The following PARM1 variants were observed in gnomAD, a reference collection of about 807,000 sequenced individuals.
The protein encoded by PARM1 is WSC4, cell wall integrity and stress response component 4 homolog.
A neutral mutation model predicts 24.6 loss-of-function variants in PARM1; 14 were observed. The ratio of observed to expected loss-of-function variants is 0.57; its 90% CI spans 0.38 to 0.89. The LOEUF (loss-of-function observed/expected upper bound fraction) is 0.89, where lower values mean the gene tolerates loss of function less well. Ranked by LOEUF, PARM1 falls within the 40% of genes least tolerant of loss-of-function variation. PARM1 has a pLI of 0.00. For synonymous variants in PARM1, 179 were observed against 156.6 expected, an observed-to-expected ratio of 1.14 and a Z score of -1.07; for missense variants, 362 against 380.4, an observed-to-expected ratio of 0.95 and a Z score of 0.40.
intron 3 of PARM1, among the ~76,000 whole-genome samples, chr4:75,044,046 C>G (rs201678841): frequency 7.4e-6 from 1 of 135,860 alleles, no homozygotes; most frequent in Non-Finnish European, 1.6e-5. Context: ...TAGTTCTTTG[C>G]AAAAAAAAAA....
intron 1 of PARM1, among the ~76,000 whole-genome samples, chr4:74,997,273 C>T (rs1722591773): frequency 6.6e-6 from 1 of 152,124 alleles, no homozygotes; most frequent in African/African-American, 2.4e-5. Context: ...GAATGACACA[C>T]CCATTTCCTT....
At position 75,047,532 on chromosome 4, in the gene PARM1, C is replaced by G. The variant is rs1723631380; in HGVS notation, c.*1285C>G. 1 of 152,216 alleles carries G rather than the reference C, an allele frequency of 6.6e-6. No individual in the cohort carries two copies. The highest frequency in any genetic ancestry group is 2.4e-5 in the African/African-American group (1 of 41,450). 9.4% of individuals were successfully genotyped at this position (152,216 alleles called of 1,614,324 possible). On this transcript the variant is annotated 3_prime_UTR_variant, in exon 4 of 4. Coordinates refer to ENST00000307428, the MANE Select transcript of PARM1 (RefSeq NM_015393.4). Reference sequence around the variant, plus strand: ...ACCAGGAGGTGATTTTGCCCCCTGACTCCACCCCAGGGACATTCAAAAATG... The same window carrying G: ...ACCAGGAGGTGATTTTGCCCCCTGAGTCCACCCCAGGGACATTCAAAAATG...
intron 3 of PARM1, among the ~76,000 whole-genome samples, chr4:75,044,606 A>G (rs994362477): frequency 6.6e-6 from 1 of 152,198 alleles, no homozygotes; most frequent in Non-Finnish European, 1.5e-5. Context: ...AGTAAATTAT[A>G]TAGTATGTTA....
chr4:74,939,513 C>T (rs1437038777), intron 1 of PARM1, among the ~76,000 whole-genome samples: 1 of 152,000 alleles, frequency 6.6e-6, no homozygotes, highest in East Asian at 1.9e-4. Context: ...GCCTTCTGTA[C>T]TCTTTTTTTT....
At chr4:75,006,989 A>G (rs1319115577) in intron 1 of PARM1, among the ~76,000 whole-genome samples, 2 of 152,240 alleles carry the variant, frequency 1.3e-5, no homozygotes, top group Non-Finnish European at 1.5e-5. Flanking sequence ...ACAAAGGGCT[A>G]ATATCCAGAA....
intron 2 of PARM1, among the ~76,000 whole-genome samples, chr4:75,020,196 G>A (rs1021965068): frequency 1.3e-5 from 2 of 152,088 alleles, no homozygotes; most frequent in Non-Finnish European, 2.9e-5. Flanking sequence ...ACATTTACTG[G>A]TCAGATTCTT....
chr4:75,012,527 C>G lies in PARM1; in HGVS notation c.146C>G (p.Thr49Ser), dbSNP rs200338345. The G allele has an allele frequency of 4.8e-5, 78 of 1,614,000 alleles. 1 individual carries two copies. The African/African-American group carries it at 7.2e-4, about 15-fold the overall frequency. ...TTIWTSSPQN[T>S]DADTASPSNG... ...ATCTGGACTAGCTCTCCACAAAACA[C>G]TGATGCAGACACTGCCTCCCCATCC... The change falls in exon 2 of 4, where the codon ACT becomes AGT. Residue 49 changes from threonine to serine, a missense_variant. Physicochemically the swap from Thr to Ser is moderately conservative, Grantham distance 58. Coordinates refer to ENST00000307428, the MANE Select transcript of PARM1 (RefSeq NM_015393.4).
At chr4:74,999,018 GTTAA>G (rs1722629456) in intron 1 of PARM1, 1 of 152,252 alleles carries the variant, frequency 6.6e-6, no homozygotes, top group Non-Finnish European at 1.5e-5. Flanking sequence ...GGGAAAGAGC[GTTAA>G]TTGTCAGAGG....
At chr4:74,972,032 G>A (rs988241783) in intron 1 of PARM1, among the ~76,000 whole-genome samples, 1 of 152,214 alleles carries the variant, frequency 6.6e-6, no homozygotes, top group Non-Finnish European at 1.5e-5. Flanking sequence ...TAGTTAGGGT[G>A]TGGCTGTAAG....
chr4:75,010,543 A>G (rs184954639), intron 1 of PARM1, among the ~76,000 whole-genome samples: 1 of 152,170 alleles, frequency 6.6e-6, no homozygotes, highest in Non-Finnish European at 1.5e-5. Context: ...ATTAAAAAAA[A>G]TTTTTTTAAA....
chr4:74,984,060 T>C (rs1189914611), intron 1 of PARM1, among the ~76,000 whole-genome samples: 1 of 152,236 alleles, frequency 6.6e-6, no homozygotes, highest in Admixed American at 6.5e-5. Context: ...TTTGGCTTTC[T>C]TGGCTATTTC....
rs573591580 is a variant in PARM1, at chr4:75,047,202, C to T, written c.*955C>T. On this transcript the variant is annotated 3_prime_UTR_variant, in exon 4 of 4. Coordinates refer to ENST00000307428, the MANE Select transcript of PARM1 (RefSeq NM_015393.4). ...TCCACAGCTTGGAGGAGCCCAGAGA[C>T]CGTTTGCTTTATACCCACACAGCAA... 5 of 152,330 alleles carry T rather than the reference C, an allele frequency of 3.3e-5. No homozygotes were observed. In the South Asian group the frequency reaches 1.0e-3, roughly 32 times the overall value. 9.4% of individuals were successfully genotyped at this position (152,330 alleles called of 1,614,324 possible).
chr4:74,936,734 T>C (rs970896351), intron 1 of PARM1, among the ~76,000 whole-genome samples: 1 of 152,072 alleles, frequency 6.6e-6, no homozygotes, highest in Non-Finnish European at 1.5e-5. Context: ...GGATTACAGG[T>C]GTGAGCCACC....
intron 3 of PARM1, among the ~76,000 whole-genome samples, chr4:75,043,924 T>C (rs1578063106): frequency 6.6e-6 from 1 of 152,088 alleles, no homozygotes; most frequent in East Asian, 1.9e-4. Context: ...GAAAGCAAAC[T>C]GTGGAACATC....
intron 1 of PARM1, among the ~76,000 whole-genome samples, chr4:74,961,043 T>C (rs1578029112): frequency 6.7e-6 from 1 of 148,464 alleles, no homozygotes. Context: ...TGAAAAGTGA[T>C]GTGGAGAAAG....
intron 1 of PARM1, among the ~76,000 whole-genome samples, chr4:74,962,895 A>G (rs1017281075): frequency 1.6e-4 from 25 of 152,214 alleles, no homozygotes; most frequent in Non-Finnish European, 8.8e-5. Context: ...ACACTTAAAA[A>G]CAGTTAACAC....
At chr4:75,030,248 A>C (rs1408088561) in intron 2 of PARM1, among the ~76,000 whole-genome samples, 1 of 152,234 alleles carries the variant, frequency 6.6e-6, no homozygotes, top group Non-Finnish European at 1.5e-5. Context: ...AGGACTAAAT[A>C]GTACTGGGTC....
intron 1 of PARM1, among the ~76,000 whole-genome samples, chr4:74,988,492 C>T (rs1722402366): frequency 6.6e-6 from 1 of 152,100 alleles, no homozygotes; most frequent in Non-Finnish European, 1.5e-5. Flanking sequence ...GGGAAGATGA[C>T]CATAACTCAG....
At chr4:75,005,527 C>A (rs1722754734) in intron 1 of PARM1, among the ~76,000 whole-genome samples, 1 of 152,180 alleles carries the variant, frequency 6.6e-6, no homozygotes, top group African/African-American at 2.4e-5. Context: ...GGCAGACTCT[C>A]TACGCTACAA....
Sources: gnomAD v4.1 joint callset for allele counts (sites outside exome capture counted in the v4.1 genomes callset) on GRCh38, gnomAD v4.1.1 for gene constraint, MANE v1.5 for transcripts, NCBI Gene and HGNC (gene_info 2026-07-23, HGNC 2026-07-21) for gene names.